The following ADPGK variants were observed in gnomAD, a reference collection of about 807,000 sequenced individuals.
ADPGK encodes the protein ADP dependent glucokinase.
A neutral mutation model predicts 42.4 loss-of-function variants in ADPGK; 26 were observed. That is an observed-to-expected ratio of 0.61 (90% confidence interval 0.45 to 0.85). The LOEUF is 0.85. ADPGK is among the 40% of genes least tolerant of loss of function. ADPGK has a pLI of 0.00. For missense variants in ADPGK, 571 were observed against 627.0 expected, an observed-to-expected ratio of 0.91 and a Z score of 0.95; for synonymous variants, 267 against 252.6, an observed-to-expected ratio of 1.06 and a Z score of -0.54.
In ADPGK at chr15:72,774,877, C is replaced by A. The variant is rs2066370929; in HGVS notation, c.454G>T (p.Ala152Ser). ...TATTGCTGAACCAAACAGACCTGGG[C>A]TCCTGGGAACTCTGATGCAACCTGG... is the stretch of plus-strand genomic sequence containing the variant. ...IAQVASEFPG[A>S]QHYVGGNAAL... The change falls in exon 2 of 7, where the codon GCC (alanine) becomes TCC (serine). Residue 152 changes from alanine to serine, a missense_variant. Physicochemically the swap from Ala to Ser is moderately conservative, Grantham distance 99 (BLOSUM62 1). Around this residue, in one of 2 missense-constraint regions of ADPGK, gnomAD observed 434 missense variants for 522.7 expected, o/e 0.83. Coordinates refer to ENST00000456471, the MANE Select transcript of ADPGK (RefSeq NM_001365225.1). 6.2e-7 allele frequency: 1 copy of A among 1,611,418 alleles called. No homozygotes were observed. The highest frequency in any genetic ancestry group is 8.5e-7 in the Non-Finnish European group (1 of 1,177,654).
chr15:72,783,707 G>C lies in ADPGK; in HGVS notation c.-16C>G, dbSNP rs139418345. The C allele has an allele frequency of 5.2e-3, 7,557 of 1,451,860 alleles. 31 individuals carry two copies. The highest frequency in any genetic ancestry group is 6.3e-3 in the Non-Finnish European group (6,940 of 1,109,126). The allele number at this position is 1,451,860 out of a possible 1,614,324, so 89.9% of individuals were successfully genotyped here. A position where few individuals can be genotyped will look rare whatever the true frequency, so the allele number is the denominator to read the frequency against. Reference sequence around the variant, plus strand: ...ACAGCGCCATGGGGACCCAGGCGCCGCACCTGCGCGAACCAACTCCTTTCC... The same window carrying C: ...ACAGCGCCATGGGGACCCAGGCGCCCCACCTGCGCGAACCAACTCCTTTCC... On this transcript the variant is annotated 5_prime_UTR_variant, in exon 1 of 7. Coordinates refer to ENST00000456471, the MANE Select transcript of ADPGK (RefSeq NM_001365225.1).
intron 3 of ADPGK, among the ~76,000 whole-genome samples, chr15:72,764,448 T>C (rs977327241): frequency 2.6e-5 from 4 of 152,192 alleles, no homozygotes; most frequent in Non-Finnish European, 5.9e-5. Context: ...CTCGCTCCAA[T>C]TCTATGAAGG....
intron 1 of ADPGK, chr15:72,783,238 G>A: frequency 8.1e-7 from 1 of 1,236,670 alleles, no homozygotes; most frequent in Non-Finnish European, 1.0e-6. Context: ...TGTTAGGGCT[G>A]GTCCTACCGG....
chr15:72,755,255 A>C (rs1235255638), intron 6 of ADPGK, among the ~76,000 whole-genome samples: 1 of 152,244 alleles, frequency 6.6e-6, no homozygotes, highest in Non-Finnish European at 1.5e-5. Flanking sequence ...AGTTCAACTG[A>C]AAGCAGCTGA....
chr15:72,756,313 G>A lies in ADPGK; in HGVS notation c.778C>T (p.Leu260Phe). Residue 260 changes from leucine (L) to phenylalanine (F), a missense_variant, in exon 5 of 7, where the codon CTC becomes TTC. Around this residue, in one of 2 missense-constraint regions of ADPGK, gnomAD observed 434 missense variants for 522.7 expected, o/e 0.83. Transcript: ENST00000456471. ...CCCTCCATCATGTGCAATCCAGAGA[G>A]GACCACCAGGTCTGGCTGAAACTCC... is the stretch of plus-strand genomic sequence containing the variant. Reference protein sequence around the residue: ...LEEFQPDLVVLSGLHMMEGQS... With the variant: ...LEEFQPDLVVFSGLHMMEGQS... The A allele has an allele frequency of 6.2e-7, 1 of 1,614,202 alleles. No homozygotes were observed. Among genetic ancestry groups the A allele is most frequent in the Non-Finnish European group, 8.5e-7 (1 of 1,180,036 alleles).
intron 1 of ADPGK, chr15:72,782,842 CAAAG>C (rs1238587782): frequency 6.6e-6 from 1 of 152,084 alleles, no homozygotes; most frequent in South Asian, 2.1e-4. Context: ...AGGAAAAGTA[CAAAG>C]AAAGGAGGTA....
intron 1 of ADPGK, among the ~76,000 whole-genome samples, chr15:72,782,613 A>G (rs2066477542): frequency 6.6e-6 from 1 of 151,744 alleles, no homozygotes; most frequent in Non-Finnish European, 1.5e-5. Context: ...AGATTACATG[A>G]ATGATGTCAT....
intron 1 of ADPGK, among the ~76,000 whole-genome samples, chr15:72,780,766 G>A (rs550587654): frequency 1.3e-5 from 2 of 152,334 alleles, no homozygotes; most frequent in South Asian, 4.1e-4. Context: ...GTGACAGAGT[G>A]AGATGCTGTC....
rs1595784689 is a variant in ADPGK, at chr15:72,752,049, CAG to C, written c.*290_*291del. ...TGCTTTTCTCCAGCTGACATGCTCTCAGGGGTGAAGAAGTTTAGCTTAAAATA... is the reference window on the plus strand; with the variant it reads ...TGCTTTTCTCCAGCTGACATGCTCTCGGGTGAAGAAGTTTAGCTTAAAATA... On this transcript the variant is annotated 3_prime_UTR_variant, in exon 7 of 7. Transcript: ENST00000456471. The C allele has an allele frequency of 2.7e-6, 1 of 369,242 alleles. No homozygotes were observed. The highest frequency in any genetic ancestry group is 5.0e-6 in the Non-Finnish European group (1 of 201,970). 22.9% of individuals were successfully genotyped at this position (369,242 alleles called of 1,614,324 possible). A position where few individuals can be genotyped will look rare whatever the true frequency, so the allele number is the denominator to read the frequency against.
intron 6 of ADPGK, among the ~76,000 whole-genome samples, chr15:72,754,592 G>A (rs2066088686): frequency 6.6e-6 from 1 of 152,152 alleles, no homozygotes; most frequent in Non-Finnish European, 1.5e-5. Context: ...CATGTATCAA[G>A]TTGTTCACTG....
intron 1 of ADPGK, chr15:72,783,037 G>C: frequency 4.5e-6 from 1 of 223,968 alleles, no homozygotes. Flanking sequence ...ACGGCGTTTC[G>C]AAAGTGGGTA....
intron 1 of ADPGK, chr15:72,783,027 A>C: frequency 5.3e-6 from 1 of 187,246 alleles, no homozygotes. Context: ...TCTAGACTAC[A>C]CGGCGTTTCG....
chr15:72,778,895 C>T (rs917237987), intron 1 of ADPGK, among the ~76,000 whole-genome samples: 8 of 152,152 alleles, frequency 5.3e-5, no homozygotes, highest in Non-Finnish European at 1.0e-4. Context: ...AAGCACCCCA[C>T]GCTAGGCAGG....
At chr15:72,783,186 G>A in intron 1 of ADPGK, 1 of 1,203,864 alleles carries the variant, frequency 8.3e-7, no homozygotes, top group Non-Finnish European at 1.0e-6. Flanking sequence ...GAGGAAGAAG[G>A]CTCGGAGAAA....
chr15:72,774,228 T>C (rs1444382566), intron 2 of ADPGK, among the ~76,000 whole-genome samples: 1 of 152,184 alleles, frequency 6.6e-6, no homozygotes, highest in Non-Finnish European at 1.5e-5. Flanking sequence ...AGAGCTTCCC[T>C]GGCTAGAACT....
At chr15:72,774,763 C>T (rs949835434) in intron 2 of ADPGK, 109 bp downstream of exon 2, 9 of 945,140 alleles carry the variant, frequency 9.5e-6, no homozygotes, top group Non-Finnish European at 1.1e-5. Flanking sequence ...GGTGATTTTG[C>T]TCCCCTCCTC....
chr15:72,767,203 G>A (rs2066271414), intron 3 of ADPGK, among the ~76,000 whole-genome samples: 1 of 152,008 alleles, frequency 6.6e-6, no homozygotes, highest in Non-Finnish European at 1.5e-5. Context: ...TTTATCCCTA[G>A]TAATGATAAA....
chr15:72,760,435 C>T lies in ADPGK; in HGVS notation c.615G>A (p.Glu205=). The T allele has an allele frequency of 6.2e-7, 1 of 1,608,772 alleles. No homozygotes were observed. The highest frequency in any genetic ancestry group is 1.1e-5 in the South Asian group (1 of 90,538). The change falls in exon 4 of 7, where the codon GAG becomes GAA. Residue 205 remains glutamate (E), a synonymous_variant. Transcript: ENST00000456471. ...CTTGATACTCTAAAATGAGGTGGAA[C>T]TCATCCACTTCCTGCAATGACTCTG... ...VPPESLQEVD[E]FHLILEYQAG...
intron 2 of ADPGK, among the ~76,000 whole-genome samples, chr15:72,772,566 T>C (rs2066341524): frequency 1.3e-5 from 2 of 152,152 alleles, no homozygotes; most frequent in Admixed American, 6.5e-5. Flanking sequence ...TTCCTACCCC[T>C]ATAACCTGAA....
Sources: allele counts gnomAD v4.1 joint callset (sites outside exome capture counted in the v4.1 genomes callset), GRCh38; gene constraint gnomAD v4.1.1; regional missense constraint gnomAD v4.1.1; transcripts MANE v1.5; gene names NCBI Gene and HGNC (gene_info 2026-07-23, HGNC 2026-07-21).